Variants in CD1D observed in about 807,000 individuals in gnomAD.
CD1D encodes CD1d molecule.
Under a neutral mutation model 42.1 loss-of-function variants are expected in CD1D, and 40 were observed. That is an observed-to-expected ratio of 0.95 (90% CI 0.74 to 1.24). CD1D has a LOEUF of 1.24. Ranked by LOEUF, CD1D falls within the 50% of genes most tolerant of loss-of-function variation. The pLI is 0.00. For missense variants in CD1D, 437 were observed against 416.5 expected, an observed-to-expected ratio of 1.05 and a Z score of -0.43; for synonymous variants, 178 against 171.8, an observed-to-expected ratio of 1.04 and a Z score of -0.28.
chr1:158,185,814 A>G lies in CD1D; in HGVS notation c.*1664A>G, dbSNP rs1187469783. Among the ~76,000 whole-genome samples, 1 of 152,240 alleles carries G rather than the reference A, an allele frequency of 6.6e-6. No homozygotes were observed. Among genetic ancestry groups the G allele is most frequent in the Admixed American group, 6.5e-5 (1 of 15,290 alleles). On this transcript the variant is annotated 3_prime_UTR_variant, in exon 6 of 6. Coordinates refer to ENST00000674085, the MANE Select transcript of CD1D (RefSeq NM_001371762.2). ...TTGGGCCTCATCCTATACCCGCTGA[A>G]TGAGAAACTCTGAGTCTGGAAGCAG...
At chr1:158,179,085 A>G (rs1406757466), upstream of CD1D, among the ~76,000 whole-genome samples, 1 of 152,200 alleles carries the variant, frequency 6.6e-6, no homozygotes, top group East Asian at 1.9e-4. Context: ...AATTTTTAAG[A>G]TACACAAAAA....
At chr1:158,181,249 G>C (rs1465425282) in intron 1 of CD1D, 87 bp downstream of exon 1, 2 of 1,483,104 alleles carry the variant, frequency 1.3e-6, no homozygotes, top group African/African-American at 2.8e-5. Context: ...CGCCTGATGG[G>C]GACTGGTGAG....
intron 1 of CD1D, 134 bp from the exon 2 acceptor site, chr1:158,181,321 G>T: frequency 6.9e-7 from 1 of 1,440,710 alleles, no homozygotes; most frequent in African/African-American, 1.4e-5. Context: ...CCGGGGAGAG[G>T]CAGCGCGGCA....
In CD1D at chr1:158,181,088, C is replaced by T; in HGVS notation, c.-14C>T. On this transcript the variant is annotated 5_prime_UTR_variant, in exon 1 of 6. Coordinates refer to ENST00000674085, the MANE Select transcript of CD1D (RefSeq NM_001371762.2). ...CGCGCAGCGGCGCTCCGCGAGGTCC[C>T]CACGCCGGGCGATATGGGGTGCCTG... is the stretch of plus-strand genomic sequence containing the variant. 1 of 1,543,688 alleles carries T rather than the reference C, an allele frequency of 6.5e-7. No homozygotes were observed. Among genetic ancestry groups the T allele is most frequent in the African/African-American group, 1.4e-5 (1 of 72,958 alleles).
Position 158,182,159 on chromosome 1 carries a change from C to A in CD1D, c.456C>A (p.Thr152=). ...TCCAAGGAACTTCTTGGGAGCCAAC[C>A]CAAGAGGCCCCACTTTGGGTAAACT... ...LSFQGTSWEP[T]QEAPLWVNLA... Residue 152 remains threonine (T), a synonymous_variant, in exon 3 of 6, where the codon ACC becomes ACA. Coordinates refer to ENST00000674085, the MANE Select transcript of CD1D (RefSeq NM_001371762.2). 6.2e-7 allele frequency: 1 copy of A among 1,614,100 alleles called. No homozygotes were observed. Among genetic ancestry groups the A allele is most frequent in the Non-Finnish European group, 8.5e-7 (1 of 1,180,028 alleles).
At position 158,181,585 on chromosome 1, in the gene CD1D, C is replaced by T. The variant is rs927993182; in HGVS notation, c.192C>T (p.Thr64=). The T allele has an allele frequency of 6.2e-7, 1 of 1,614,016 alleles. No individual in the cohort carries two copies. Among genetic ancestry groups the T allele is most frequent in the Admixed American group, 1.7e-5 (1 of 60,012 alleles). The change falls in exon 2 of 6, where the codon ACC becomes ACT. Residue 64 remains threonine, a synonymous_variant. Transcript: ENST00000674085. ...QTHSWSNDSD[T]VRSLKPWSQG... is the part of the protein sequence containing the mutation. Reference sequence around the variant, plus strand: ...ACAGCTGGAGCAACGACTCGGACACCGTCCGCTCTCTGAAGCCTTGGTCCC... The same window carrying T: ...ACAGCTGGAGCAACGACTCGGACACTGTCCGCTCTCTGAAGCCTTGGTCCC...
upstream of CD1D, among the ~76,000 whole-genome samples, chr1:158,178,750 G>A (rs984778977): frequency 2.0e-5 from 3 of 152,072 alleles, no homozygotes; most frequent in East Asian, 5.8e-4. Flanking sequence ...TTATTTTAAG[G>A]CTCTGAGTAA....
rs564854926 is a variant in CD1D, at chr1:158,181,369, C to A, written c.62-86C>A. On this transcript the variant is annotated intron_variant, in intron 1 of 5. Transcript: ENST00000674085. ...GCATCAGCCGCCTCCTGAAGCTCAT[C>A]TCCTCTTGTTTCTTTCTTCCTTCTC... 3.9e-6 allele frequency: 6 copies of A among 1,555,058 alleles called. No individual in the cohort carries two copies. In the South Asian group the frequency reaches 5.9e-5, roughly 15 times the overall value.
chr1:158,183,789 TA>T, intron 4 of CD1D, 146 bp from the exon 5 acceptor site: 1 of 708,146 alleles, frequency 1.4e-6, no homozygotes, highest in Non-Finnish European at 2.5e-6. Flanking sequence ...ATGGGGAATC[TA>T]AACTTATGAG....
rs1268140381 is a variant in CD1D, at chr1:158,181,158, T to C, written c.57T>C (p.Ala19=). The C allele has an allele frequency of 6.5e-7, 1 of 1,549,414 alleles. No individual in the cohort carries two copies. Among genetic ancestry groups the C allele is most frequent in the Non-Finnish European group, 8.7e-7 (1 of 1,146,702 alleles). ...LWALLQAWGS[A]EVPQRLFPLR... is the part of the protein sequence containing the mutation. The stretch of plus-strand genomic sequence containing the variant: ...CGCTCCTCCAGGCTTGGGGAAGCGC[T>C]GAAGGTGGGTGGAACGAGGGCGCTT... Residue 19 remains alanine, a synonymous_variant, in exon 1 of 6, where the codon GCT becomes GCC. Transcript: ENST00000674085.
In CD1D at chr1:158,181,047, G is replaced by A. The variant is rs1314025872; in HGVS notation, c.-55G>A. ...GCTGAGCGGCGGGGGAGAAGAGTGC[G>A]CAGGTCAGAGGGCGGCGCGCAGCGG... is the stretch of plus-strand genomic sequence containing the variant. On this transcript the variant is annotated 5_prime_UTR_variant, in exon 1 of 6. Coordinates refer to ENST00000674085, the MANE Select transcript of CD1D (RefSeq NM_001371762.2). 3.3e-5 allele frequency: 48 copies of A among 1,447,020 alleles called. No homozygotes were observed. The highest frequency in any genetic ancestry group is 4.2e-5 in the Non-Finnish European group (45 of 1,076,822). 89.6% of individuals were successfully genotyped at this position (1,447,020 alleles called of 1,614,324 possible).
Position 158,182,063 on chromosome 1 carries a change from T to G in CD1D, c.360T>G (p.Cys120Trp). Residue 120 changes from cysteine (C) to tryptophan (W), a missense_variant, in exon 3 of 6, where the codon TGT becomes TGG. Physicochemically the swap from Cys to Trp is radical, Grantham distance 215. Coordinates refer to ENST00000674085, the MANE Select transcript of CD1D (RefSeq NM_001371762.2). ...YPLELQVSAG[C>W]EVHPGNASNN... ...TGGAGCTCCAGGTGTCCGCTGGCTG[T>G]GAGGTGCACCCTGGGAACGCCTCAA... 6.2e-7 allele frequency: 1 copy of G among 1,612,536 alleles called. No homozygotes were observed. Among genetic ancestry groups the G allele is most frequent in the Non-Finnish European group, 8.5e-7 (1 of 1,178,962 alleles).
At chr1:158,182,507 A>G (rs1470672014) in intron 3 of CD1D, 197 bp downstream of exon 3, 2 of 643,548 alleles carry the variant, frequency 3.1e-6, no homozygotes, top group Non-Finnish European at 5.4e-6. Flanking sequence ...TTAATGAACA[A>G]CTGGGGGTGA....
Position 158,182,894 on chromosome 1 carries a change from G to A in CD1D, c.624G>A (p.Trp208Ter). Residue 208 changes from tryptophan (W) to a stop codon, truncating the protein, a stop_gained, in exon 4 of 6, where the codon TGG becomes TGA. Transcript: ENST00000674085. LOFTEE classifies it high-confidence loss of function. ...TGGATACAGTGAAGCCCAAGGCCTG[G>A]CTGTCCCGTGGCCCCAGTCCTGGCC... ...ELKKQVKPKA[W>*]LSRGPSPGPG... 1 of 1,609,650 alleles carries A rather than the reference G, an allele frequency of 6.2e-7. No homozygotes were observed. The highest frequency in any genetic ancestry group is 1.3e-5 in the African/African-American group (1 of 75,002).
chr1:158,185,577 T>C lies in CD1D; in HGVS notation c.*1427T>C, dbSNP rs773951332. ...GGTGGTGAGCGCCTGTAGTCCTAGC[T>C]ACTCTGGAGGCTGAGGTGGGAGGAT... is the stretch of plus-strand genomic sequence containing the variant. On this transcript the variant is annotated 3_prime_UTR_variant, in exon 6 of 6. Coordinates refer to ENST00000674085, the MANE Select transcript of CD1D (RefSeq NM_001371762.2). Among the ~76,000 whole-genome samples, 3 of 152,106 alleles carry C rather than the reference T, an allele frequency of 2.0e-5. No individual in the cohort carries two copies. The highest frequency in any genetic ancestry group is 4.4e-5 in the Non-Finnish European group (3 of 68,010).
chr1:158,181,892 C>G lies in CD1D; in HGVS notation c.329-140C>G, dbSNP rs1015588688. ...GGCTTTGACTCCTCAAAGTGTCCCT[C>G]GTTCCTGCCTACTCCAGGTCACTTA... On this transcript the variant is annotated intron_variant, in intron 2 of 5. Coordinates refer to ENST00000674085, the MANE Select transcript of CD1D (RefSeq NM_001371762.2). The G allele has an allele frequency of 6.0e-6, 8 of 1,337,396 alleles. No homozygotes were observed. The East Asian group carries it at 1.8e-4, about 31-fold the overall frequency. 82.8% of individuals were successfully genotyped at this position (1,337,396 alleles called of 1,614,324 possible).
At chr1:158,184,104 T>C in intron 5 of CD1D, 25 bp from the exon 6 acceptor site, 1 of 1,614,090 alleles carries the variant, frequency 6.2e-7, no homozygotes, top group Non-Finnish European at 8.5e-7. Context: ...TCCTTAATGG[T>C]CTTTCCCTTT....
rs576982908 is a variant in CD1D, at chr1:158,182,466, A to G, written c.607+156A>G. 2.2e-5 allele frequency: 17 copies of G among 776,610 alleles called. No individual in the cohort carries two copies. The East Asian group carries it at 4.5e-4, about 20-fold the overall frequency. 48.1% of individuals were successfully genotyped at this position (776,610 alleles called of 1,614,324 possible). A position where few individuals can be genotyped will look rare whatever the true frequency, so the allele number is the denominator to read the frequency against. ...GTATTTATTCATTTCACAGACATCA[A>G]CTGAGCACCTCTTGGGTTCTATGAA... On this transcript the variant is annotated intron_variant, in intron 3 of 5. Transcript: ENST00000674085.
intron 1 of CD1D, 65 bp downstream of exon 1, chr1:158,181,227 C>A: frequency 6.6e-7 from 1 of 1,514,282 alleles, no homozygotes; most frequent in Non-Finnish European, 9.0e-7. Flanking sequence ...TGGGTAGGGA[C>A]GGGGAGGGCA....
Sources: allele counts gnomAD v4.1 joint callset (sites outside exome capture counted in the v4.1 genomes callset), GRCh38; gene constraint gnomAD v4.1.1; transcripts MANE v1.5; gene names NCBI Gene and HGNC (gene_info 2026-07-23, HGNC 2026-07-21).